PASK: variants seen among roughly 807,000 people sequenced by gnomAD.
PASK encodes PAS domain containing serine/threonine kinase, also known as PAS domain-containing serine/threonine-protein kinase.
PASK carries 110 observed loss-of-function variants against 121.0 expected under a neutral mutation model. That is an observed-to-expected ratio of 0.91 (90% CI 0.78 to 1.06). The LOEUF (loss-of-function observed/expected upper bound fraction) is 1.06, where lower values mean the gene tolerates loss of function less well. Among genes scored for constraint, PASK ranks in the 50% least tolerant of loss-of-function variants. The pLI is 0.00. For missense variants in PASK, 1,643 were observed against 1,702.3 expected, an observed-to-expected ratio of 0.97 and a Z score of 0.61; for synonymous variants, 686 against 717.8, an observed-to-expected ratio of 0.96 and a Z score of 0.71.
chr2:241,135,969 G>A lies in PASK; in HGVS notation c.1208C>T (p.Pro403Leu), dbSNP rs1356940412. The change falls in exon 8 of 18, where the codon CCA becomes CTA. Residue 403 changes from proline to leucine, a missense_variant. By Grantham distance (98) the Pro-to-Leu change is moderately conservative. Around this residue, in one of 3 missense-constraint regions of PASK, gnomAD observed 1,176 missense variants for 1,162.2 expected, o/e 1.01. Coordinates refer to ENST00000234040, the MANE Select transcript of PASK (RefSeq NM_015148.4). ...DLAYNSSLQL[P>L]DLASCLDVGN... is the part of the protein sequence containing the mutation. ...GACGTCCAGGCAGCTGGCCAGGTCTGGGAGCTGTAATGAGCTGTTGTACGC... is the reference window on the plus strand; with the variant it reads ...GACGTCCAGGCAGCTGGCCAGGTCTAGGAGCTGTAATGAGCTGTTGTACGC... 1 of 1,613,906 alleles carries A rather than the reference G, an allele frequency of 6.2e-7. No homozygotes were observed. The highest frequency in any genetic ancestry group is 8.5e-7 in the Non-Finnish European group (1 of 1,179,854).
At chr2:241,150,318 G>T, upstream of PASK, 1 of 1,329,918 alleles carries the variant, frequency 7.5e-7, no homozygotes, top group South Asian at 2.2e-5. Flanking sequence ...TGGGGGAGGC[G>T]CGGCGCGCGG....
In PASK at chr2:241,115,175, T is replaced by A. The variant is rs748476932; in HGVS notation, c.3201A>T (p.Val1067=). The A allele has an allele frequency of 2.5e-6, 4 of 1,613,984 alleles. No individual in the cohort carries two copies. The South Asian group carries it at 3.3e-5, about 13-fold the overall frequency. ...SRVEHANIIK[V]LDIFENQGFF... ...ACCCTTGGTTTTCAAATATATCCAA[T>A]ACCTAGGAAGAGACAAAGCCAAGTC... The change falls in exon 14 of 18, where the codon GTA becomes GTT. Residue 1067 remains valine, a splice_region_variant and synonymous_variant. Transcript: ENST00000234040.
At chr2:241,140,242 G>A (rs770776695) in intron 3 of PASK, among the ~76,000 whole-genome samples, 187 bp from the exon 4 acceptor site, 2 of 152,026 alleles carry the variant, frequency 1.3e-5, no homozygotes, top group African/African-American at 2.4e-5. Context: ...AGAGCTCACT[G>A]CAACCTTGAA....
intron 5 of PASK, 149 bp downstream of exon 5, chr2:241,138,505 A>T: frequency 1.1e-6 from 1 of 877,214 alleles, no homozygotes. Context: ...AAGCACACGC[A>T]ATCAGCGAGG....
intron 14 of PASK, chr2:241,113,956 C>G: frequency 3.1e-6 from 3 of 978,780 alleles, no homozygotes; most frequent in Non-Finnish European, 2.4e-6. Flanking sequence ...ACATTTATGT[C>G]TATATATTTA....
rs2067179799 is a variant in PASK, at chr2:241,149,469, C to T, written c.-98G>A. Reference sequence around the variant, plus strand: ...CTACACACCACGGAAAGGAGCCCTTCCGCGCTTTTATCCCACCGACCAATC... The same window carrying T: ...CTACACACCACGGAAAGGAGCCCTTTCGCGCTTTTATCCCACCGACCAATC... On this transcript the variant is annotated 5_prime_UTR_variant, in exon 1 of 18. Transcript: ENST00000234040. 2 of 607,490 alleles carry T rather than the reference C, an allele frequency of 3.3e-6. No homozygotes were observed. The highest frequency in any genetic ancestry group is 1.9e-5 in the African/African-American group (1 of 53,068). The allele number at this position is 607,490 out of a possible 1,614,324, so 37.6% of individuals were successfully genotyped here.
rs769822477 is a variant in PASK, at chr2:241,126,264, C to T, written c.2651G>A (p.Gly884Asp). The T allele has an allele frequency of 3.7e-6, 6 of 1,614,140 alleles. No homozygotes were observed. The highest frequency in any genetic ancestry group is 5.1e-6 in the Non-Finnish European group (6 of 1,180,026). ...ACCCTCCTGGATCTCCCGCTGCAGG[C>T]CAGCAGCCCCGCGCATCACGATCAC... Reference protein sequence around the residue: ...TPVIVMRGAAGLQREIQEGAY... With the variant: ...TPVIVMRGAADLQREIQEGAY... The change falls in exon 10 of 18, where the codon GGC becomes GAC. Residue 884 changes from glycine to aspartate, a missense_variant. Physicochemically the swap from Gly to Asp is moderately conservative, Grantham distance 94. Coordinates refer to ENST00000234040, the MANE Select transcript of PASK (RefSeq NM_015148.4).
At chr2:241,119,883 T>G (rs1050274165) in intron 12 of PASK, among the ~76,000 whole-genome samples, 2 of 152,212 alleles carry the variant, frequency 1.3e-5, no homozygotes, top group Admixed American at 1.3e-4. Flanking sequence ...CCATCCTCTA[T>G]TCAGAGTCAT....
intron 11 of PASK, among the ~76,000 whole-genome samples, chr2:241,123,479 A>T (rs1161366948): frequency 6.6e-6 from 1 of 151,954 alleles, no homozygotes; most frequent in Non-Finnish European, 1.5e-5. Context: ...TGCCCGACCT[A>T]AAGTGGCTTC....
chr2:241,124,965 G>A (rs2065788799), intron 10 of PASK, among the ~76,000 whole-genome samples: 1 of 151,926 alleles, frequency 6.6e-6, no homozygotes, highest in Non-Finnish European at 1.5e-5. Flanking sequence ...AGGAGATCGA[G>A]ACCATCCTGG....
chr2:241,111,012 G>T (rs2065089414), intron 15 of PASK, among the ~76,000 whole-genome samples: 1 of 152,228 alleles, frequency 6.6e-6, no homozygotes, highest in Admixed American at 6.5e-5. Context: ...GGAGAGGTTG[G>T]CGCAGGCTGA....
upstream of PASK, chr2:241,150,287 G>A (rs1163374125): frequency 8.4e-6 from 11 of 1,312,638 alleles, no homozygotes; most frequent in Non-Finnish European, 1.1e-5. Flanking sequence ...TTCCGGCTCC[G>A]CCGCCTGAAA....
At chr2:241,123,035 A>C in intron 11 of PASK, 136 bp from the exon 12 acceptor site, 1 of 739,548 alleles carries the variant, frequency 1.4e-6, no homozygotes, top group Non-Finnish European at 2.2e-6. Flanking sequence ...CTCTCCTCCC[A>C]TGCTCTCAGA....
Position 241,112,134 on chromosome 2 carries a change from A to G in PASK, c.3533+106T>C. 1.1e-6 allele frequency: 1 copy of G among 882,058 alleles called. No individual in the cohort carries two copies. Among genetic ancestry groups the G allele is most frequent in the Admixed American group, 1.8e-5 (1 of 55,650 alleles). 54.6% of individuals were successfully genotyped at this position (882,058 alleles called of 1,614,324 possible). On this transcript the variant is annotated intron_variant, in intron 15 of 17. Coordinates refer to ENST00000234040, the MANE Select transcript of PASK (RefSeq NM_015148.4). This position sits in a 1 kb window ranked among gnomAD's most constrained non-coding sequence, Gnocchi z 5.2. The stretch of plus-strand genomic sequence containing the variant: ...ATATCACCCTGACCACTCAACACTC[A>G]TCACAAAGAGGCACAAAGGAAGCCA...
intron 2 of PASK, among the ~76,000 whole-genome samples, chr2:241,142,437 T>C (rs1386569324): frequency 6.6e-6 from 1 of 152,256 alleles, no homozygotes. Context: ...TTCTGCCCCA[T>C]GATTCTTGGT....
In PASK at chr2:241,112,415, G is replaced by GCAGGTATCCCA; in HGVS notation, c.3347_3357dup (p.Arg1120TrpfsTer6). The stretch of plus-strand genomic sequence containing the variant: ...TCACGGTGGATGATGTCCTTCAAGC[G>GCAGGTATCCCA]CAGGTATCCCACTGCTGACACTAGC... On this transcript the variant is annotated frameshift_variant, in exon 15 of 18. Transcript: ENST00000234040. LOFTEE classifies it high-confidence loss of function. This position sits in a 1 kb window ranked among gnomAD's most constrained non-coding sequence, Gnocchi z 5.2. The GCAGGTATCCCA allele has an allele frequency of 6.2e-7, 1 of 1,613,416 alleles. No homozygotes were observed. The highest frequency in any genetic ancestry group is 1.1e-5 in the South Asian group (1 of 91,058).
At chr2:241,150,010 G>T, upstream of PASK, 1 of 1,403,198 alleles carries the variant, frequency 7.1e-7, no homozygotes, top group Non-Finnish European at 9.2e-7. Flanking sequence ...CTTGCCGTTC[G>T]GCCCATTGTA....
intron 12 of PASK, among the ~76,000 whole-genome samples, chr2:241,117,068 G>A (rs1376997562): frequency 6.6e-6 from 1 of 152,068 alleles, no homozygotes; most frequent in Non-Finnish European, 1.5e-5. Context: ...CTGTGAGGAG[G>A]TGTGAGGGAG....
upstream of PASK, chr2:241,149,614 C>A (rs36123792): frequency 8.6e-3 from 13,179 of 1,528,606 alleles, 393 homozygotes; most frequent in East Asian, 0.095. Context: ...GCACCAAACA[C>A]CCCTACGGCG....
Sources: gnomAD v4.1 joint callset for allele counts (sites outside exome capture counted in the v4.1 genomes callset) on GRCh38, gnomAD v4.1.1 for gene constraint, gnomAD v4.1.1 regional missense constraint, Gnocchi (gnomAD v3.1) non-coding constraint, MANE v1.5 for transcripts, NCBI Gene and HGNC (gene_info 2026-07-23, HGNC 2026-07-21) for gene names.